The following SIL1 variants were observed in gnomAD, a reference collection of about 807,000 sequenced individuals.
The protein encoded by SIL1 is nucleotide exchange factor SIL1.
Under a neutral mutation model 49.1 loss-of-function variants are expected in SIL1, and 40 were observed. That is an observed-to-expected ratio of 0.81 (90% confidence interval 0.63 to 1.06). The LOEUF is 1.06. SIL1 is among the 50% of genes least tolerant of loss of function. The probability of loss-of-function intolerance (pLI) is 0.00; values close to 1 mark genes in which losing one functional copy is unlikely to be tolerated. For missense variants in SIL1, 500 were observed against 572.6 expected (o/e 0.87, Z 1.29); for synonymous variants, 253 against 250.8 (o/e 1.01, Z -0.08).
chr5:139,104,192 A>G (rs1400565349), intron 3 of SIL1, among the ~76,000 whole-genome samples: 1 of 152,234 alleles, frequency 6.6e-6, no homozygotes, highest in Non-Finnish European at 1.5e-5. Flanking sequence ...TAAAGACGGC[A>G]GCACGTGGCT....
chr5:139,175,578 T>C lies in SIL1; in HGVS notation c.-11+22691A>G, dbSNP rs1370649845. Among the ~76,000 whole-genome samples the C allele has an allele frequency of 2.6e-5, 4 of 152,338 alleles. No individual in the cohort carries two copies. In the East Asian group the frequency reaches 7.7e-4, roughly 29 times the overall value. On this transcript the variant is annotated intron_variant, in intron 1 of 9. Transcript: ENST00000394817. ...ACTAACATCAATCCTTCTCAAACTT[T>C]TCCAAAACATTGAAGAGGAAGGAAT...
intron 1 of SIL1, among the ~76,000 whole-genome samples, chr5:139,184,476 C>A (rs1752043647): frequency 6.6e-6 from 1 of 152,050 alleles, no homozygotes; most frequent in Admixed American, 6.6e-5. Context: ...AGTTCAAGAC[C>A]AGCCTCGGAA....
chr5:139,102,006 G>A (rs150796709), intron 3 of SIL1, among the ~76,000 whole-genome samples: 5 of 152,274 alleles, frequency 3.3e-5, no homozygotes, highest in Non-Finnish European at 7.4e-5. Flanking sequence ...GAAATGCTGG[G>A]TGAAAAGAAT....
chr5:138,988,929 G>A (rs1173433920), intron 7 of SIL1, among the ~76,000 whole-genome samples: 1 of 152,160 alleles, frequency 6.6e-6, no homozygotes, highest in East Asian at 1.9e-4. Context: ...ATTACAGAAT[G>A]ATGAATCTAC....
intron 1 of SIL1, among the ~76,000 whole-genome samples, chr5:139,137,935 C>T (rs1397384091): frequency 6.6e-6 from 1 of 151,470 alleles, no homozygotes; most frequent in African/African-American, 2.4e-5. Context: ...CACACAGGCA[C>T]CTTGATTACT....
rs369480148 is a variant in SIL1 at position 139,021,272 on chromosome 5, C to A, written c.666G>T (p.Leu222=). 2.8e-5 allele frequency: 45 copies of A among 1,614,180 alleles called. No individual in the cohort carries two copies. The African/African-American group carries it at 5.2e-4, about 19-fold the overall frequency. ...CCACTTGAAGACCACCAAAGGAAAG[C>A]AGGTCCTGCGCATTGTCCATCTGCA... The part of the protein sequence containing the change: ...YVHQMDNAQD[L]LSFGGLQVVI... The change falls in exon 7 of 10, where the codon CTG becomes CTT. Residue 222 remains leucine (L), a synonymous_variant. Coordinates refer to ENST00000394817, the MANE Select transcript of SIL1 (RefSeq NM_022464.5).
chr5:139,001,720 C>T (rs1325447483), intron 7 of SIL1, among the ~76,000 whole-genome samples: 2 of 152,154 alleles, frequency 1.3e-5, no homozygotes, highest in East Asian at 3.9e-4. Flanking sequence ...GCCTGACCAA[C>T]ATAGTGAAAC....
rs757634804 is a variant in SIL1 at position 139,147,189 on chromosome 5, C to CCTTTTCAGCT, written c.-10-19346_-10-19337dup. Among the ~76,000 whole-genome samples, 35 of 152,234 alleles carry CCTTTTCAGCT rather than the reference C, an allele frequency of 2.3e-4. No homozygotes were observed. In the East Asian group the frequency reaches 3.3e-3, roughly 14 times the overall value. On this transcript the variant is annotated intron_variant, in intron 1 of 9. Transcript: ENST00000394817. ...CTTTTCAGGCAAGGGGTTTCCCTTG[C>CCTTTTCAGCT]CTTTTCAGCTCTTTTCAGCTCTTTT... is the stretch of plus-strand genomic sequence containing the variant.
intron 1 of SIL1, among the ~76,000 whole-genome samples, chr5:139,194,987 T>A (rs1331825606): frequency 6.7e-6 from 1 of 149,582 alleles, no homozygotes; most frequent in East Asian, 2.0e-4. Context: ...TGGAGTGCAA[T>A]GGCACAATGA....
rs201560093 is a variant in SIL1, at chr5:138,947,410, G to A, written c.1093C>T (p.Arg365Cys). The stretch of plus-strand genomic sequence containing the variant: ...AGGCCTGGCAGGAGGTGTACCTGGC[G>A]ATACTGCTGCAGCTTCTCTGGGGAC... ...EMSPEKLQQY[R>C]QVHLLPGLWE... The change falls in exon 10 of 10, where the codon CGC becomes TGC. Residue 365 changes from arginine (R) to cysteine (C), a missense_variant. Arg to Cys is a radical substitution (Grantham distance 180). Transcript: ENST00000394817. This position sits in a 1 kb window ranked among gnomAD's most constrained non-coding sequence, Gnocchi z 4.1. 61 of 1,613,618 alleles carry A rather than the reference G, an allele frequency of 3.8e-5. No homozygotes were observed. In the East Asian group the frequency reaches 6.0e-4, roughly 16 times the overall value.
chr5:138,968,893 G>A (rs191922851), intron 7 of SIL1, among the ~76,000 whole-genome samples: 26 of 152,198 alleles, frequency 1.7e-4, no homozygotes, highest in Admixed American at 1.4e-3. Flanking sequence ...AAGAGCTCAC[G>A]GAATCAGACT....
rs200386877 is a variant in SIL1 at position 138,992,731 on chromosome 5, G to A, written c.767+28440C>T. ...GGGGACTCGGGGAAGGGTGGGAGGGGGTGAGGGATAAAAGACTACACACAT... is the reference window on the plus strand; with the variant it reads ...GGGGACTCGGGGAAGGGTGGGAGGGAGTGAGGGATAAAAGACTACACACAT... On this transcript the variant is annotated intron_variant, in intron 7 of 9. Transcript: ENST00000394817. Among the ~76,000 whole-genome samples, 17 of 152,092 alleles carry A rather than the reference G, an allele frequency of 1.1e-4. No individual in the cohort carries two copies. In the East Asian group the frequency reaches 3.3e-3, roughly 29 times the overall value.
chr5:139,156,787 A>T (rs574488313), intron 1 of SIL1, among the ~76,000 whole-genome samples: 3 of 152,282 alleles, frequency 2.0e-5, no homozygotes, highest in African/African-American at 7.2e-5. Context: ...CCCTGCCAAT[A>T]CCTTAACTTC....
intron 1 of SIL1, among the ~76,000 whole-genome samples, chr5:139,136,058 C>T (rs1561875971): frequency 6.6e-6 from 1 of 152,024 alleles, no homozygotes; most frequent in Non-Finnish European, 1.5e-5. Context: ...CAGAGTGAGG[C>T]TCTGTCTCAA....
chr5:139,150,906 C>T (rs929777396), intron 1 of SIL1, among the ~76,000 whole-genome samples: 4 of 152,228 alleles, frequency 2.6e-5, no homozygotes, highest in East Asian at 1.9e-4. Flanking sequence ...TCACAGTGCA[C>T]GGAGACATAC....
chr5:139,071,578 G>A (rs1236516620), intron 3 of SIL1, among the ~76,000 whole-genome samples: 2 of 151,968 alleles, frequency 1.3e-5, no homozygotes, highest in Non-Finnish European at 2.9e-5. Context: ...TGAAGAAACT[G>A]GACTTAGAAG....
At chr5:139,192,924 G>A (rs1034118569) in intron 1 of SIL1, among the ~76,000 whole-genome samples, 5 of 147,470 alleles carry the variant, frequency 3.4e-5, no homozygotes, top group Admixed American at 6.9e-5. Flanking sequence ...TTGAACCCAG[G>A]AGGCAGAGGT....
intron 1 of SIL1, among the ~76,000 whole-genome samples, chr5:139,161,840 C>G (rs751098510): frequency 8.6e-5 from 13 of 151,842 alleles, no homozygotes; most frequent in Non-Finnish European, 1.8e-4. Context: ...TGGCAAAACC[C>G]CATCTCTACT....
intron 3 of SIL1, among the ~76,000 whole-genome samples, chr5:139,080,435 G>A (rs1770047785): frequency 6.6e-6 from 1 of 152,172 alleles, no homozygotes; most frequent in African/African-American, 2.4e-5. Context: ...GCAGATATTT[G>A]AGAAAGATAG....
Sources: gnomAD v4.1 joint callset for allele counts (sites outside exome capture counted in the v4.1 genomes callset) on GRCh38, gnomAD v4.1.1 for gene constraint, Gnocchi (gnomAD v3.1) non-coding constraint, MANE v1.5 for transcripts, NCBI Gene and HGNC (gene_info 2026-07-23, HGNC 2026-07-21) for gene names.